ATF6: variants seen among roughly 807,000 people sequenced by gnomAD.
The protein encoded by ATF6 is cyclic AMP-dependent transcription factor ATF-6 alpha.
A neutral mutation model predicts 83.6 loss-of-function variants in ATF6; 53 were observed. That is an observed-to-expected ratio of 0.63 (90% CI 0.51 to 0.80). The LOEUF is 0.80. Ranked by LOEUF, ATF6 falls within the 30% of genes least tolerant of loss-of-function variation. ATF6 has a pLI of 0.00. For missense variants in ATF6, 744 were observed against 797.9 expected, an observed-to-expected ratio of 0.93 and a Z score of 0.81; for synonymous variants, 288 against 285.8, an observed-to-expected ratio of 1.01 and a Z score of -0.08.
At position 161,961,614 on chromosome 1, in the gene ATF6, A is replaced by G. The variant is rs942279217; in HGVS notation, c.*2960A>G. The G allele has an allele frequency of 6.7e-6, 1 of 149,846 alleles. No individual in the cohort carries two copies. The highest frequency in any genetic ancestry group is 2.5e-5 in the African/African-American group (1 of 40,730). 9.3% of individuals were successfully genotyped at this position (149,846 alleles called of 1,614,324 possible). A position where few individuals can be genotyped will look rare whatever the true frequency, so the allele number is the denominator to read the frequency against. ...GGTGGGATTGCCTTTTGGGGGTTGC[A>G]GCCAGAAATTGTGGGTAATGTGTGT... On this transcript the variant is annotated 3_prime_UTR_variant, in exon 16 of 16. Transcript: ENST00000367942.
At chr1:161,950,918 C>A (rs1380443405) in intron 15 of ATF6, among the ~76,000 whole-genome samples, 1 of 152,144 alleles carries the variant, frequency 6.6e-6, no homozygotes, top group Non-Finnish European at 1.5e-5. Flanking sequence ...AAATGATATT[C>A]TTTTCTATGA....
At chr1:161,915,219 A>G (rs558968656) in intron 15 of ATF6, among the ~76,000 whole-genome samples, 44 of 152,256 alleles carry the variant, frequency 2.9e-4, no homozygotes, top group Non-Finnish European at 4.4e-4. Context: ...CTCTTGTTGC[A>G]CTGAAAGAAA....
In ATF6 at chr1:161,830,095, CAA is replaced by C. The variant is rs1228554493; in HGVS notation, c.1187+8936_1187+8937del. On this transcript the variant is annotated intron_variant, in intron 9 of 15. Coordinates refer to ENST00000367942, the MANE Select transcript of ATF6 (RefSeq NM_007348.4). The stretch of plus-strand genomic sequence containing the variant: ...TCCTTAAGCTGATAAGCAACTTCAG[CAA>C]AGTCTCAGGATACAAAATCAATGTG... 6.4e-4 allele frequency among the ~76,000 whole-genome samples: 98 copies of C among 152,328 alleles called. 1 individual carries two copies. Among genetic ancestry groups the C allele is most frequent in the East Asian group, 5.0e-3 (26 of 5,188 alleles).
At chr1:161,835,616 A>G (rs1300132723) in intron 9 of ATF6, among the ~76,000 whole-genome samples, 2 of 152,206 alleles carry the variant, frequency 1.3e-5, no homozygotes, top group Admixed American at 1.3e-4. Context: ...AGATTATAAG[A>G]TAATGTACGT....
chr1:161,812,836 G>A (rs1165127561), intron 7 of ATF6, among the ~76,000 whole-genome samples: 2 of 151,264 alleles, frequency 1.3e-5, no homozygotes, highest in Admixed American at 6.6e-5. Flanking sequence ...TTTCCTGAAA[G>A]CCATATTTGT....
intron 1 of ATF6, among the ~76,000 whole-genome samples, chr1:161,767,928 T>A (rs1256720570): frequency 6.6e-6 from 1 of 152,236 alleles, no homozygotes; most frequent in Non-Finnish European, 1.5e-5. Flanking sequence ...CAATCTTGGC[T>A]CACCGCAACC....
At chr1:161,847,585 CA>C (rs1187244537) in intron 10 of ATF6, among the ~76,000 whole-genome samples, 1 of 152,060 alleles carries the variant, frequency 6.6e-6, no homozygotes, top group African/African-American at 2.4e-5. Flanking sequence ...TTTTACATGC[CA>C]AAATTCATCA....
intron 14 of ATF6, among the ~76,000 whole-genome samples, chr1:161,884,043 A>G (rs949584955): frequency 6.6e-6 from 1 of 152,106 alleles, no homozygotes; most frequent in Non-Finnish European, 1.5e-5. Flanking sequence ...ATTTCTGTGC[A>G]TATATGGTTG....
intron 14 of ATF6, among the ~76,000 whole-genome samples, chr1:161,867,110 C>T (rs558151337): frequency 7.4e-4 from 113 of 152,096 alleles, no homozygotes; most frequent in African/African-American, 1.7e-3. Context: ...CTGGCTAACA[C>T]GGTGAAACCC....
chr1:161,948,727 T>G (rs1342191726), intron 15 of ATF6, among the ~76,000 whole-genome samples: 2 of 152,254 alleles, frequency 1.3e-5, no homozygotes, highest in African/African-American at 4.8e-5. Flanking sequence ...GAGGGCTGCA[T>G]GTTGCAGAAC....
At chr1:161,771,484 T>A (rs905594) in intron 1 of ATF6, among the ~76,000 whole-genome samples, 1 of 152,066 alleles carries the variant, frequency 6.6e-6, no homozygotes, top group African/African-American at 2.4e-5. Flanking sequence ...GGGATAGGTG[T>A]CTCCATTGTC....
At chr1:161,880,375 T>C (rs1687297017) in intron 14 of ATF6, among the ~76,000 whole-genome samples, 1 of 151,894 alleles carries the variant, frequency 6.6e-6, no homozygotes, top group Admixed American at 6.6e-5. Flanking sequence ...CTTATATAGG[T>C]GAAATCATCA....
intron 15 of ATF6, among the ~76,000 whole-genome samples, chr1:161,957,151 T>A (rs1688982916): frequency 6.7e-6 from 1 of 148,562 alleles, no homozygotes; most frequent in Non-Finnish European, 1.5e-5. Context: ...TTTGTAATGC[T>A]TGGCATGCTC....
chr1:161,850,310 CT>C lies in ATF6; in HGVS notation c.1320-1410del, dbSNP rs531476376. On this transcript the variant is annotated intron_variant, in intron 10 of 15. Coordinates refer to ENST00000367942, the MANE Select transcript of ATF6 (RefSeq NM_007348.4). ...TCTACCTCCCCACTTGCTTGCAACT[CT>C]TCAGCCAGTGGTCTTTTTAAAGTTC... 6.8e-3 allele frequency among the ~76,000 whole-genome samples: 1,031 copies of C among 152,184 alleles called. 7 individuals are homozygous for C. The highest frequency in any genetic ancestry group is 0.024 in the African/African-American group (985 of 41,508).
At position 161,776,122 on chromosome 1, in the gene ATF6, T is replaced by A. The variant is rs190264345; in HGVS notation, c.83-2122T>A. Reference sequence around the variant, plus strand: ...TTTCTCAGACTGTGAGAAATCTGACTCCAATTATTTTAGTAAAAGGCAAAA... The same window carrying A: ...TTTCTCAGACTGTGAGAAATCTGACACCAATTATTTTAGTAAAAGGCAAAA... On this transcript the variant is annotated intron_variant, in intron 1 of 15. Transcript: ENST00000367942. 2.4e-3 allele frequency among the ~76,000 whole-genome samples: 361 copies of A among 152,274 alleles called. 3 individuals are homozygous for A. The highest frequency in any genetic ancestry group is 8.3e-3 in the African/African-American group (345 of 41,556).
At chr1:161,811,031 T>C (rs924341574) in intron 7 of ATF6, among the ~76,000 whole-genome samples, 12 of 152,250 alleles carry the variant, frequency 7.9e-5, no homozygotes, top group Non-Finnish European at 1.6e-4. Flanking sequence ...TTGGCTTGTC[T>C]CCACTTTTTG....
chr1:161,801,532 A>T (rs891595806), intron 6 of ATF6, among the ~76,000 whole-genome samples: 1 of 152,006 alleles, frequency 6.6e-6, no homozygotes, highest in Non-Finnish European at 1.5e-5. Context: ...TGGCCTCCCA[A>T]AGCACTGGGA....
At chr1:161,839,498 A>T (rs1292784019) in intron 9 of ATF6, among the ~76,000 whole-genome samples, 1 of 152,086 alleles carries the variant, frequency 6.6e-6, no homozygotes, top group African/African-American at 2.4e-5. Flanking sequence ...AGGAGCTGGG[A>T]CCACAGGCAC....
intron 15 of ATF6, among the ~76,000 whole-genome samples, chr1:161,913,312 T>C (rs1571232745): frequency 6.6e-6 from 1 of 152,200 alleles, no homozygotes; most frequent in East Asian, 1.9e-4. Context: ...CACATTTTGA[T>C]TGATAAATAT....
Sources: allele counts gnomAD v4.1 joint callset (sites outside exome capture counted in the v4.1 genomes callset), GRCh38; gene constraint gnomAD v4.1.1; transcripts MANE v1.5; gene names NCBI Gene and HGNC (gene_info 2026-07-23, HGNC 2026-07-21).